NOTCH2NLR: variants seen among roughly 807,000 people sequenced by gnomAD.
NOTCH2NLR encodes notch 2 N-terminal like R (pseudogene).
Under a neutral mutation model 35.6 loss-of-function variants are expected in NOTCH2NLR, and 33 were observed. The observed-to-expected ratio is 0.93, with a 90% confidence interval of 0.70 to 1.24. The LOEUF is 1.24. NOTCH2NLR is among the 50% of genes most tolerant of loss of function. The pLI, the probability that NOTCH2NLR is intolerant of heterozygous loss-of-function variation, is 0.00. For missense variants in NOTCH2NLR, 276 were observed against 362.2 expected (o/e 0.76, Z 1.93); for synonymous variants, 103 against 141.0 (o/e 0.73, Z 1.91).
rs1405100926 is a variant in NOTCH2NLR, at chr1:120,754,281, C to A, written c.74-9347C>A. On this transcript the variant is annotated intron_variant, in intron 1 of 4. Coordinates refer to ENST00000624419, the Ensembl canonical transcript of NOTCH2NLR. ...GACAGGCAAAATTTGTCTTGATAAT[C>A]GTACAAATACAGATAGTGGAACAGA... Among the ~76,000 whole-genome samples the A allele has an allele frequency of 2.8e-4, 10 of 35,630 alleles. 1 individual carries two copies. The highest frequency in any genetic ancestry group is 8.2e-3 in the Middle Eastern group (1 of 122). The allele number at this position is 35,630 out of a possible 152,430, so 23.4% of individuals were successfully genotyped here.
At chr1:120,770,826 G>A (rs1651255494) in intron 2 of NOTCH2NLR, among the ~76,000 whole-genome samples, 1 of 117,046 alleles carries the variant, frequency 8.5e-6, no homozygotes, top group South Asian at 2.5e-4. Context: ...AGGAAGTGTG[G>A]AACATTTGAA....
At chr1:120,784,222 T>C (rs1651397222) in intron 2 of NOTCH2NLR, among the ~76,000 whole-genome samples, 1 of 118,806 alleles carries the variant, frequency 8.4e-6, no homozygotes, top group African/African-American at 4.8e-5. Context: ...ACTTTATTAA[T>C]ACAGTAGGTC....
At chr1:120,790,744 T>C (rs1322456805) in intron 3 of NOTCH2NLR, among the ~76,000 whole-genome samples, 1 of 110,538 alleles carries the variant, frequency 9.0e-6, no homozygotes, top group East Asian at 2.2e-4. Context: ...GGATTACAGG[T>C]ATGCGCTATG....
intron 1 of NOTCH2NLR, among the ~76,000 whole-genome samples, chr1:120,742,302 TGTGTGTGTGC>T (rs1382590039): frequency 2.9e-4 from 9 of 30,658 alleles, no homozygotes; most frequent in South Asian, 1.0e-3. Flanking sequence ...TTTAACTCTG[TGTGTGTGTGC>T]GTGTGTGTGT....
chr1:120,737,760 G>GGTGGA lies in NOTCH2NLR; in HGVS notation c.73+13513_73+13517dup, dbSNP rs1171016671. Among the ~76,000 whole-genome samples the GGTGGA allele has an allele frequency of 1.6e-5, 2 of 124,300 alleles. 1 individual carries two copies. The highest frequency in any genetic ancestry group is 7.7e-5 in the African/African-American group (2 of 26,020). The allele number at this position is 124,300 out of a possible 152,430, so 81.5% of individuals were successfully genotyped here. On this transcript the variant is annotated intron_variant, in intron 1 of 4. Coordinates refer to ENST00000624419, the Ensembl canonical transcript of NOTCH2NLR. ...ATTCAGAATTGGATTAGCCTGGACTGGTGGAGTTACTTTCTCAGAAAAGGG... is the reference window on the plus strand; with the variant it reads ...ATTCAGAATTGGATTAGCCTGGACTGGTGGAGTGGAGTTACTTTCTCAGAAAAGGG...
chr1:120,763,691 G>C lies in NOTCH2NLR; in HGVS notation c.137G>C (p.Ser46Thr). Residue 46 changes from serine to threonine, a missense_variant, in exon 2 of 5, where the codon AGT becomes ACT. By Grantham distance (58) the Ser-to-Thr change is moderately conservative. Coordinates refer to ENST00000624419, the Ensembl canonical transcript of NOTCH2NLR. ...AAAGGAATGTGTGTTACCTACCACAGTGGCACAGGATACTGCAAGTAAGTT... is the reference window on the plus strand; with the variant it reads ...AAAGGAATGTGTGTTACCTACCACACTGGCACAGGATACTGCAAGTAAGTT... 2.9e-6 allele frequency: 4 copies of C among 1,392,910 alleles called. 1 individual carries two copies. The highest frequency in any genetic ancestry group is 3.9e-6 in the Non-Finnish European group (4 of 1,036,198). The allele number at this position is 1,392,910 out of a possible 1,614,324, so 86.3% of individuals were successfully genotyped here.
In NOTCH2NLR at chr1:120,754,811, A is replaced by G. The variant is rs1241872178; in HGVS notation, c.74-8817A>G. ...TCAAAACTGTTTCAGTTTTGCAAAG[A>G]TTAGAAAAGTACAATTCTACTTTCT... On this transcript the variant is annotated intron_variant, in intron 1 of 4. Coordinates refer to ENST00000624419, the Ensembl canonical transcript of NOTCH2NLR. Among the ~76,000 whole-genome samples, 14 of 114,262 alleles carry G rather than the reference A, an allele frequency of 1.2e-4. 4 individuals carry two copies. The highest frequency in any genetic ancestry group is 1.0e-3 in the Admixed American group (12 of 11,844). The allele number at this position is 114,262 out of a possible 152,430, so 75.0% of individuals were successfully genotyped here. A position where few individuals can be genotyped will look rare whatever the true frequency, so the allele number is the denominator to read the frequency against.
chr1:120,785,272 A>G, intron 3 of NOTCH2NLR, 39 bp downstream of exon 3: 1 of 1,428,904 alleles, frequency 7.0e-7, no homozygotes, highest in Non-Finnish European at 9.4e-7. Flanking sequence ...CCCTACCTTC[A>G]GCAGATACCT....
intron 1 of NOTCH2NLR, among the ~76,000 whole-genome samples, chr1:120,728,996 T>A (rs1243667518): frequency 8.6e-6 from 1 of 116,528 alleles, no homozygotes; most frequent in Non-Finnish European, 1.6e-5. Flanking sequence ...AGAACTTGTC[T>A]GGCATGTGCC....
rs1171423912 is a variant in NOTCH2NLR, at chr1:120,793,359, A to G, written c.614A>G (p.Tyr205Cys). ...ACCTGCCTCAACCTGCCTGGTTCCT[A>G]CCAGTGCCAGTGCCTTCAGGGCTTC... Residue 205 changes from tyrosine (Y) to cysteine (C), a missense_variant, in exon 4 of 5, where the codon TAC (tyrosine) becomes TGC (cysteine). Physicochemically the swap from Tyr to Cys is radical, Grantham distance 194. Coordinates refer to ENST00000624419, the Ensembl canonical transcript of NOTCH2NLR. The G allele has an allele frequency of 2.1e-6, 3 of 1,423,768 alleles. No individual in the cohort carries two copies. In the South Asian group the frequency reaches 3.6e-5, roughly 17 times the overall value. The allele number at this position is 1,423,768 out of a possible 1,614,324, so 88.2% of individuals were successfully genotyped here. A position where few individuals can be genotyped will look rare whatever the true frequency, so the allele number is the denominator to read the frequency against.
rs1270277791 is a variant in NOTCH2NLR at position 120,752,603 on chromosome 1, C to T, written c.74-11025C>T. ...TTTTTTTTTTTCAGGCAGAGTCTTG[C>T]TCTGTCGCCCAGGCTGGAGTGCAGT... On this transcript the variant is annotated intron_variant, in intron 1 of 4. Transcript: ENST00000624419. 7.3e-5 allele frequency among the ~76,000 whole-genome samples: 2 copies of T among 27,518 alleles called. 1 individual carries two copies. The highest frequency in any genetic ancestry group is 1.0e-4 in the Non-Finnish European group (2 of 19,254). 18.1% of individuals were successfully genotyped at this position (27,518 alleles called of 152,430 possible).
At position 120,751,543 on chromosome 1, in the gene NOTCH2NLR, A is replaced by T. The variant is rs1451790480; in HGVS notation, c.74-12085A>T. ...GTGGAATTCCCTTAGGCTTCCAGAC[A>T]GGAGTGGCAACAAAGCAGATGAAAT... On this transcript the variant is annotated intron_variant, in intron 1 of 4. Coordinates refer to ENST00000624419, the Ensembl canonical transcript of NOTCH2NLR. Among the ~76,000 whole-genome samples the T allele has an allele frequency of 1.1e-4, 4 of 37,350 alleles. 1 individual carries two copies. Among genetic ancestry groups the T allele is most frequent in the African/African-American group, 3.4e-4 (4 of 11,604 alleles). The allele number at this position is 37,350 out of a possible 152,430, so 24.5% of individuals were successfully genotyped here. A position where few individuals can be genotyped will look rare whatever the true frequency, so the allele number is the denominator to read the frequency against.
At chr1:120,768,488 CAT>C (rs1651219856) in intron 2 of NOTCH2NLR, among the ~76,000 whole-genome samples, 1 of 105,704 alleles carries the variant, frequency 9.5e-6, no homozygotes. Context: ...TTTTTCTCCT[CAT>C]ATTCTAGCTG....
chr1:120,790,541 T>TCCC lies in NOTCH2NLR; in HGVS notation c.416-2620_416-2619insCCC, dbSNP rs1651476767. Reference sequence around the variant, plus strand: ...CTTTCTTTCTTTCTCCCTCCCTTTCTTTCTTTCTTTCTTTCTTTCTTTCTT... The same window carrying TCCC: ...CTTTCTTTCTTTCTCCCTCCCTTTCTCCCTTCTTTCTTTCTTTCTTTCTTTCTT... On this transcript the variant is annotated intron_variant, in intron 3 of 4. Transcript: ENST00000624419. 3.7e-5 allele frequency among the ~76,000 whole-genome samples: 3 copies of TCCC among 80,798 alleles called. 1 individual carries two copies. Among genetic ancestry groups the TCCC allele is most frequent in the African/African-American group, 8.9e-5 (1 of 11,210 alleles). 53.0% of individuals were successfully genotyped at this position (80,798 alleles called of 152,430 possible).
At chr1:120,763,778 T>C (rs1651158750) in intron 2 of NOTCH2NLR, 69 bp downstream of exon 2, 1 of 645,198 alleles carries the variant, frequency 1.5e-6, no homozygotes, top group Non-Finnish European at 2.7e-6. Context: ...TCTACTCCTC[T>C]ATTTTTAATG....
rs1395121586 is a variant in NOTCH2NLR, at chr1:120,793,426, C to T, written c.681C>T (p.His227=). The T allele has an allele frequency of 2.8e-6, 4 of 1,442,584 alleles. 1 individual carries two copies. The highest frequency in any genetic ancestry group is 3.7e-6 in the Non-Finnish European group (4 of 1,079,654). The allele number at this position is 1,442,584 out of a possible 1,614,324, so 89.4% of individuals were successfully genotyped here. ...ACAGACTGTATGTGCCCTGTGCACA[C>T]TCGCCTTGTGTCAATGGAGGCACCT... Residue 227 remains histidine (H), a synonymous_variant, in exon 4 of 5, where the codon CAC becomes CAT. Transcript: ENST00000624419.
chr1:120,781,712 T>C (rs1361035921), intron 2 of NOTCH2NLR, among the ~76,000 whole-genome samples: 65,625 of 85,820 alleles, frequency 0.76, 28,308 homozygotes, highest in African/African-American at 0.88. Context: ...TACAGGCGCC[T>C]GCCACCACGC....
rs1374504863 is a variant in NOTCH2NLR at position 120,759,055 on chromosome 1, A to C, written c.74-4573A>C. Reference sequence around the variant, plus strand: ...TTATAGAAATAAGGTTCCTGAGGACAGGGAGTTTATTCTGTATACTACGGT... The same window carrying C: ...TTATAGAAATAAGGTTCCTGAGGACCGGGAGTTTATTCTGTATACTACGGT... On this transcript the variant is annotated intron_variant, in intron 1 of 4. Transcript: ENST00000624419. Among the ~76,000 whole-genome samples the C allele has an allele frequency of 2.0e-5, 2 of 102,382 alleles. 1 individual carries two copies. The highest frequency in any genetic ancestry group is 1.3e-4 in the African/African-American group (2 of 15,450). 67.2% of individuals were successfully genotyped at this position (102,382 alleles called of 152,430 possible). A position where few individuals can be genotyped will look rare whatever the true frequency, so the allele number is the denominator to read the frequency against.
Position 120,754,211 on chromosome 1 carries a change from A to G in NOTCH2NLR, c.74-9417A>G, listed in dbSNP as rs1200957658. On this transcript the variant is annotated intron_variant, in intron 1 of 4. Coordinates refer to ENST00000624419, the Ensembl canonical transcript of NOTCH2NLR. ...GAGCGAGACTCCATCTCAAAAAAAAAAAAAGCTTTAAAAAGGGAGTTTACT... is the reference window on the plus strand; with the variant it reads ...GAGCGAGACTCCATCTCAAAAAAAAGAAAAGCTTTAAAAAGGGAGTTTACT... Among the ~76,000 whole-genome samples the G allele has an allele frequency of 1.3e-4, 4 of 29,896 alleles. 2 individuals carry two copies. The highest frequency in any genetic ancestry group is 2.3e-4 in the Non-Finnish European group (4 of 17,182). 19.6% of individuals were successfully genotyped at this position (29,896 alleles called of 152,430 possible).
Sources: allele counts gnomAD v4.1 joint callset (sites outside exome capture counted in the v4.1 genomes callset), GRCh38; gene constraint gnomAD v4.1.1; transcripts MANE v1.5; gene names NCBI Gene and HGNC (gene_info 2026-07-23, HGNC 2026-07-21).